Variants in ALK observed in about 807,000 individuals in gnomAD.
ALK encodes ALK receptor tyrosine kinase.
Under a neutral mutation model 163.1 loss-of-function variants are expected in ALK, and 74 were observed. That is an observed-to-expected ratio of 0.45 (90% confidence interval 0.38 to 0.55). The LOEUF (loss-of-function observed/expected upper bound fraction) is 0.55. Ranked by LOEUF, ALK falls within the 20% of genes least tolerant of loss-of-function variation. ALK has a pLI of 0.00. For synonymous variants in ALK, 960 were observed against 843.2 expected (o/e 1.14, Z -2.40); for missense variants, 2,063 against 2,105.3 (o/e 0.98, Z 0.39).
chr2:29,868,930 T>C (rs912390265), intron 1 of ALK, among the ~76,000 whole-genome samples: 1 of 152,168 alleles, frequency 6.6e-6, no homozygotes, highest in Non-Finnish European at 1.5e-5. Flanking sequence ...CACCATGTTG[T>C]GATGAAGCCC....
At chr2:29,522,278 C>T (rs542588545) in intron 4 of ALK, among the ~76,000 whole-genome samples, 8 of 152,268 alleles carry the variant, frequency 5.3e-5, no homozygotes, top group Middle Eastern at 3.4e-3. Flanking sequence ...AGTAGTAGTG[C>T]TAGGGCCTCC....
chr2:29,593,701 A>C lies in ALK; in HGVS notation c.953-61585T>G, dbSNP rs1272114236. ...CTGCATTTAGGGATGTGATGAACAC[A>C]GTCATTAAATGTAGAAACCAAAAAG... On this transcript the variant is annotated intron_variant, in intron 3 of 28. Coordinates refer to ENST00000389048, the MANE Select transcript of ALK (RefSeq NM_004304.5). Among the ~76,000 whole-genome samples, 6 of 152,378 alleles carry C rather than the reference A, an allele frequency of 3.9e-5. No homozygotes were observed. The East Asian group carries it at 1.2e-3, about 29-fold the overall frequency.
At chr2:29,867,977 G>C (rs1666478802) in intron 1 of ALK, among the ~76,000 whole-genome samples, 1 of 152,176 alleles carries the variant, frequency 6.6e-6, no homozygotes, top group Non-Finnish European at 1.5e-5. Flanking sequence ...CAGAAGACAT[G>C]GACCCTGCAT....
At chr2:29,911,710 A>C (rs1667706814) in intron 1 of ALK, among the ~76,000 whole-genome samples, 1 of 152,238 alleles carries the variant, frequency 6.6e-6, no homozygotes, top group South Asian at 2.1e-4. Flanking sequence ...CCCAACTCAG[A>C]CCAAACAATG....
intron 1 of ALK, among the ~76,000 whole-genome samples, chr2:29,749,118 A>G (rs1680284103): frequency 6.6e-6 from 1 of 152,144 alleles, no homozygotes; most frequent in Admixed American, 6.5e-5. Context: ...TAGGACAGTG[A>G]CTGTCAAACT....
intron 15 of ALK, among the ~76,000 whole-genome samples, chr2:29,229,729 G>T (rs1001515405): frequency 6.6e-6 from 1 of 152,182 alleles, no homozygotes; most frequent in Admixed American, 6.5e-5. Context: ...AAACTGCCAG[G>T]GGTGGGGAGC....
intron 3 of ALK, among the ~76,000 whole-genome samples, chr2:29,660,228 C>T (rs1236459339): frequency 1.3e-5 from 2 of 152,168 alleles, no homozygotes; most frequent in Non-Finnish European, 2.9e-5. Flanking sequence ...CACAGACACG[C>T]TTCTTGACTG....
rs546789986 is a variant in ALK at position 29,454,061 on chromosome 2, TG to T, written c.1155-70203del. On this transcript the variant is annotated intron_variant, in intron 4 of 28. Transcript: ENST00000389048. ...AATAACTTTGGCTACCGGATGGAAC[TG>T]TCACAGTCTAAGGCCTGGGTCCTGA... Among the ~76,000 whole-genome samples, 179 of 152,334 alleles carry T rather than the reference TG, an allele frequency of 1.2e-3. 1 individual carries two copies. The highest frequency in any genetic ancestry group is 3.8e-3 in the African/African-American group (159 of 41,586).
At chr2:29,411,714 G>A (rs954197924) in intron 4 of ALK, among the ~76,000 whole-genome samples, 1 of 152,096 alleles carries the variant, frequency 6.6e-6, no homozygotes, top group Non-Finnish European at 1.5e-5. Context: ...CTCTTCTTCA[G>A]TTTTGCATTC....
At chr2:29,767,530 C>T (rs1236636416) in intron 1 of ALK, among the ~76,000 whole-genome samples, 1 of 152,208 alleles carries the variant, frequency 6.6e-6, no homozygotes. Context: ...GCATAGTGCT[C>T]TTTCCATCAC....
intron 4 of ALK, among the ~76,000 whole-genome samples, chr2:29,394,467 C>T (rs1669254986): frequency 6.6e-6 from 1 of 152,230 alleles, no homozygotes; most frequent in South Asian, 2.1e-4. Flanking sequence ...CCTCCAGCAT[C>T]TGCTGAGCAT....
At chr2:29,344,623 AC>A (rs1194488300) in intron 5 of ALK, among the ~76,000 whole-genome samples, 1 of 152,234 alleles carries the variant, frequency 6.6e-6, no homozygotes, top group African/African-American at 2.4e-5. Context: ...CCAATGCATG[AC>A]CTGTCAATGC....
intron 1 of ALK, among the ~76,000 whole-genome samples, chr2:29,900,717 G>A (rs1247506417): frequency 6.6e-6 from 1 of 152,158 alleles, no homozygotes; most frequent in Non-Finnish European, 1.5e-5. Context: ...AGGACACTGT[G>A]AGAGATGAAG....
chr2:29,573,200 C>T (rs148841403), intron 3 of ALK, among the ~76,000 whole-genome samples: 13 of 152,334 alleles, frequency 8.5e-5, no homozygotes, highest in Middle Eastern at 3.4e-3. Context: ...GAGCATCCCT[C>T]AGAGCACCCA....
chr2:29,635,157 C>A (rs1267083241), intron 3 of ALK, among the ~76,000 whole-genome samples: 2 of 152,072 alleles, frequency 1.3e-5, no homozygotes, highest in Non-Finnish European at 2.9e-5. Flanking sequence ...GGAAAGAATA[C>A]TAAGTTCATG....
At chr2:29,495,404 C>T (rs1672000195) in intron 4 of ALK, among the ~76,000 whole-genome samples, 1 of 152,216 alleles carries the variant, frequency 6.6e-6, no homozygotes, top group Non-Finnish European at 1.5e-5. Flanking sequence ...GTCTCTTCCC[C>T]TCTCAAGACA....
At chr2:29,269,377 G>A (rs1665318540) in intron 11 of ALK, among the ~76,000 whole-genome samples, 2 of 152,146 alleles carry the variant, frequency 1.3e-5, no homozygotes, top group South Asian at 4.1e-4. Context: ...CACCTCTTGG[G>A]GATGCTGACT....
Position 29,301,704 on chromosome 2 carries a change from C to T in ALK, c.1648-4647G>A, listed in dbSNP as rs141978000. ...AAGTAGAGTCTGCTGATGGTATGAGCATGTCAGCAAGATGCAGCCCTGTCT... is the reference window on the plus strand; with the variant it reads ...AAGTAGAGTCTGCTGATGGTATGAGTATGTCAGCAAGATGCAGCCCTGTCT... On this transcript the variant is annotated intron_variant, in intron 8 of 28. Coordinates refer to ENST00000389048, the MANE Select transcript of ALK (RefSeq NM_004304.5). Among the ~76,000 whole-genome samples the T allele has an allele frequency of 1.4e-3, 217 of 152,344 alleles. 1 individual carries two copies. Among genetic ancestry groups the T allele is most frequent in the Admixed American group, 1.8e-3 (28 of 15,304 alleles).
At chr2:29,448,426 G>C (rs960620942) in intron 4 of ALK, among the ~76,000 whole-genome samples, 4 of 152,170 alleles carry the variant, frequency 2.6e-5, no homozygotes, top group Admixed American at 1.3e-4. Context: ...TGCCTCATGG[G>C]CGTGTTAAAC....
Sources: allele counts gnomAD v4.1 joint callset (sites outside exome capture counted in the v4.1 genomes callset), GRCh38; gene constraint gnomAD v4.1.1; transcripts MANE v1.5; gene names NCBI Gene and HGNC (gene_info 2026-07-23, HGNC 2026-07-21).